TECRL: variants seen among roughly 807,000 people sequenced by gnomAD.
TECRL encodes trans-2,3-enoyl-CoA reductase like, also known as trans-2,3-enoyl-CoA reductase-like.
In TECRL, 63 loss-of-function variants were observed where a neutral mutation model predicts 52.8. The ratio of observed to expected loss-of-function variants is 1.19; its 90% confidence interval spans 0.97 to 1.47. TECRL has a LOEUF of 1.47. Among genes scored for constraint, TECRL ranks in the 40% most tolerant of loss-of-function variants. The pLI is 0.00. For missense variants in TECRL, 482 were observed against 429.6 expected (o/e 1.12, Z -1.08); for synonymous variants, 164 against 141.9 (o/e 1.16, Z -1.10).
intron 8 of TECRL, among the ~76,000 whole-genome samples, chr4:64,292,299 A>G (rs1723435927): frequency 6.6e-6 from 1 of 151,988 alleles, no homozygotes; most frequent in Non-Finnish European, 1.5e-5. Flanking sequence ...TTAATAAACA[A>G]AGTTTGGGGC....
intron 5 of TECRL, among the ~76,000 whole-genome samples, chr4:64,312,337 T>G (rs1717074198): frequency 6.6e-6 from 1 of 152,212 alleles, no homozygotes; most frequent in Admixed American, 6.5e-5. Context: ...ACTAGATACC[T>G]AAATTTCAAA....
At chr4:64,372,238 TAAAG>T (rs774069438) in intron 2 of TECRL, among the ~76,000 whole-genome samples, 2 of 151,726 alleles carry the variant, frequency 1.3e-5, no homozygotes, top group Admixed American at 6.6e-5. Context: ...TAGATCAAGA[TAAAG>T]AAAGACCAAC....
intron 2 of TECRL, among the ~76,000 whole-genome samples, chr4:64,343,411 A>G (rs1719724432): frequency 2.6e-5 from 4 of 152,146 alleles, no homozygotes; most frequent in South Asian, 2.1e-4. Flanking sequence ...TGAGTTAATT[A>G]AAGTTATAGA....
intron 2 of TECRL, among the ~76,000 whole-genome samples, chr4:64,341,720 C>T (rs1719583144): frequency 6.6e-6 from 1 of 152,158 alleles, no homozygotes; most frequent in Non-Finnish European, 1.5e-5. Context: ...AGAGCCAGGC[C>T]TGTGACTCCC....
chr4:64,384,317 C>T (rs1293287857), intron 1 of TECRL, among the ~76,000 whole-genome samples: 1 of 152,054 alleles, frequency 6.6e-6, no homozygotes, highest in Admixed American at 6.6e-5. Context: ...TGTGGGCCAA[C>T]CCTTAAGACC....
intron 5 of TECRL, among the ~76,000 whole-genome samples, chr4:64,314,255 A>G (rs1031590305): frequency 1.3e-5 from 2 of 152,078 alleles, no homozygotes; most frequent in Non-Finnish European, 2.9e-5. Flanking sequence ...TTTCTTTCCT[A>G]TGTAACATTG....
At chr4:64,277,083 A>T (rs1205284727), downstream of TECRL, 4 of 1,442,268 alleles carry the variant, frequency 2.8e-6, no homozygotes, top group Admixed American at 8.0e-5. Flanking sequence ...AAATTTAAAA[A>T]ACACATTTCA....
intron 2 of TECRL, among the ~76,000 whole-genome samples, chr4:64,369,778 T>C (rs912135223): frequency 6.6e-6 from 1 of 152,030 alleles, no homozygotes; most frequent in African/African-American, 2.4e-5. Context: ...TGTGCTACAA[T>C]AGAAATATTT....
intron 9 of TECRL, among the ~76,000 whole-genome samples, chr4:64,288,392 AG>A (rs759373001): frequency 1.3e-5 from 2 of 152,118 alleles, no homozygotes; most frequent in Non-Finnish European, 2.9e-5. Context: ...AAGTTGCTGA[AG>A]AACTCAACAT....
chr4:64,288,426 C>G lies in TECRL; in HGVS notation c.832+1284G>C, dbSNP rs186968162. 6.7e-3 allele frequency among the ~76,000 whole-genome samples: 1,017 copies of G among 152,188 alleles called. 10 individuals carry two copies. Among genetic ancestry groups the G allele is most frequent in the Non-Finnish European group, 0.01 (711 of 67,998 alleles). On this transcript the variant is annotated intron_variant, in intron 9 of 11. Coordinates refer to ENST00000381210, the MANE Select transcript of TECRL (RefSeq NM_001010874.5). ...CATCGACCGTTCTACAGTCCTCAGG[C>G]ATTTGAAGCAAATTGGAGAGGTGAA... is the stretch of plus-strand genomic sequence containing the variant.
chr4:64,386,073 C>G (rs1439200976), intron 1 of TECRL, among the ~76,000 whole-genome samples: 1 of 152,104 alleles, frequency 6.6e-6, no homozygotes, highest in Non-Finnish European at 1.5e-5. Flanking sequence ...TCAGGTGCCT[C>G]TAGTCAGCCA....
intron 2 of TECRL, among the ~76,000 whole-genome samples, chr4:64,366,284 A>G (rs941930950): frequency 5.3e-5 from 8 of 152,108 alleles, no homozygotes; most frequent in African/African-American, 1.9e-4. Context: ...AAAGACTGAA[A>G]TGTAAAACCC....
intron 7 of TECRL, among the ~76,000 whole-genome samples, chr4:64,300,565 G>T (rs1300695660): frequency 6.6e-6 from 1 of 150,730 alleles, no homozygotes; most frequent in South Asian, 2.1e-4. Flanking sequence ...ACCATTTAAA[G>T]CAATGTTCTA....
At chr4:64,396,720 T>C (rs1723981394) in intron 1 of TECRL, among the ~76,000 whole-genome samples, 1 of 152,286 alleles carries the variant, frequency 6.6e-6, no homozygotes, top group East Asian at 1.9e-4. Flanking sequence ...CATCATAAAA[T>C]CTTTACCAGT....
chr4:64,403,292 C>T (rs1488760293), intron 1 of TECRL, among the ~76,000 whole-genome samples: 2 of 152,032 alleles, frequency 1.3e-5, no homozygotes, highest in South Asian at 2.1e-4. Context: ...GACCACTCCC[C>T]TGAGTTCTTC....
chr4:64,401,148 A>C (rs1409760390), intron 1 of TECRL, among the ~76,000 whole-genome samples: 3 of 152,162 alleles, frequency 2.0e-5, no homozygotes, highest in Admixed American at 1.3e-4. Flanking sequence ...CACGTAGTTG[A>C]CAGATTTAAT....
At chr4:64,356,303 C>A (rs1560525010) in intron 2 of TECRL, among the ~76,000 whole-genome samples, 1 of 152,074 alleles carries the variant, frequency 6.6e-6, no homozygotes, top group East Asian at 1.9e-4. Flanking sequence ...CATGAAGAGT[C>A]TCTGCTGAGG....
intron 4 of TECRL, among the ~76,000 whole-genome samples, chr4:64,320,791 A>T (rs1236618376): frequency 2.0e-5 from 3 of 152,070 alleles, no homozygotes; most frequent in Non-Finnish European, 2.9e-5. Context: ...TCTTTAAGCA[A>T]AGGTCTGTAG....
chr4:64,362,387 G>C (rs1474684740), intron 2 of TECRL, among the ~76,000 whole-genome samples: 2 of 151,660 alleles, frequency 1.3e-5, no homozygotes, highest in Non-Finnish European at 2.9e-5. Flanking sequence ...CCATCCCCAA[G>C]ACTTACAGTC....
Sources: allele counts gnomAD v4.1 joint callset (sites outside exome capture counted in the v4.1 genomes callset), GRCh38; gene constraint gnomAD v4.1.1; transcripts MANE v1.5; gene names NCBI Gene and HGNC (gene_info 2026-07-23, HGNC 2026-07-21).